KCTD15: variants seen among roughly 807,000 people sequenced by gnomAD.
The protein encoded by KCTD15 is BTB/POZ domain-containing protein KCTD15.
KCTD15 carries 11 observed loss-of-function variants against 27.2 expected under a neutral mutation model. The observed-to-expected ratio is 0.41, with a 90% CI of 0.25 to 0.67. KCTD15 has a LOEUF of 0.67. Among genes scored for constraint, KCTD15 ranks in the 30% least tolerant of loss-of-function variants. The pLI, the probability that KCTD15 is intolerant of heterozygous loss-of-function variation, is 0.35. For synonymous variants in KCTD15, 163 were observed against 176.0 expected (o/e 0.93, Z 0.58); for missense variants, 350 against 409.3 (o/e 0.86, Z 1.25).
chr19:33,812,663 A>G, intron 6 of KCTD15, 127 bp from the exon 7 acceptor site: 3 of 1,382,338 alleles, frequency 2.2e-6, no homozygotes, highest in Non-Finnish European at 2.8e-6. Context: ...TCAGTGAGCA[A>G]GACTGAGATC....
At chr19:33,810,870 T>C (rs1266751479) in intron 5 of KCTD15, among the ~76,000 whole-genome samples, 1 of 151,550 alleles carries the variant, frequency 6.6e-6, no homozygotes, top group East Asian at 1.9e-4. Flanking sequence ...CCCAGCATGA[T>C]CTCTTCTCTC....
upstream of KCTD15, among the ~76,000 whole-genome samples, chr19:33,795,664 G>A (rs571543862): frequency 6.6e-4 from 101 of 152,194 alleles, 2 homozygotes; most frequent in African/African-American, 2.4e-3. Flanking sequence ...AGGCACGGGC[G>A]GGGCGCAAAG....
At chr19:33,805,289 C>G (rs185905213) in intron 4 of KCTD15, among the ~76,000 whole-genome samples, 2 of 152,160 alleles carry the variant, frequency 1.3e-5, no homozygotes, top group African/African-American at 4.8e-5. Context: ...ACTCCATACC[C>G]GGGCAGACCA....
Position 33,812,068 on chromosome 19 carries a change from C to A in KCTD15, c.693+516C>A. On this transcript the variant is annotated intron_variant, in intron 6 of 6. Transcript: ENST00000683859. The stretch of plus-strand genomic sequence containing the variant: ...GGGCCTATTTTCCAACAGCTCTTCG[C>A]AGACCCAAGAGCTTGGCACATTTCC... The A allele has an allele frequency of 2.2e-6, 3 of 1,380,324 alleles. No homozygotes were observed. In the South Asian group the frequency reaches 5.3e-5, roughly 24 times the overall value. 85.5% of individuals were successfully genotyped at this position (1,380,324 alleles called of 1,614,324 possible).
At chr19:33,796,232 G>A (rs1975313121), upstream of KCTD15, 1 of 150,814 alleles carries the variant, frequency 6.6e-6, no homozygotes, top group Non-Finnish European at 1.5e-5. Context: ...CCCCCTCCCC[G>A]AGCCCGGAGG....
chr19:33,796,706 A>AGGCGGCGGCGGCGGAGGC (rs1975326455), upstream of KCTD15: 1 of 137,536 alleles, frequency 7.3e-6, no homozygotes, highest in Non-Finnish European at 1.6e-5. Flanking sequence ...CGCGAGGAGG[A>AGGCGGCGGCGGCGGAGGC]GGCGGCGGCG....
chr19:33,813,431 AT>A lies in KCTD15; in HGVS notation c.*484del. 2.2e-6 allele frequency: 1 copy of A among 457,132 alleles called. No homozygotes were observed. Among genetic ancestry groups the A allele is most frequent in the Non-Finnish European group, 4.4e-6 (1 of 227,344 alleles). The allele number at this position is 457,132 out of a possible 1,614,324, so 28.3% of individuals were successfully genotyped here. On this transcript the variant is annotated 3_prime_UTR_variant, in exon 7 of 7. Coordinates refer to ENST00000683859, the MANE Select transcript of KCTD15 (RefSeq NM_001129994.2). ...GGCTGACAAGGACCAATGCTTCTTTATCTGGTGCTCAGTTCTCAGTCAGACG... is the reference window on the plus strand; with the variant it reads ...GGCTGACAAGGACCAATGCTTCTTTACTGGTGCTCAGTTCTCAGTCAGACG...
At chr19:33,798,097 G>T (rs1022017135) in intron 1 of KCTD15, among the ~76,000 whole-genome samples, 2 of 148,830 alleles carry the variant, frequency 1.3e-5, no homozygotes, top group Non-Finnish European at 2.9e-5. Flanking sequence ...GGAGGGGGGG[G>T]GTGGGGAGGC....
intron 2 of KCTD15, among the ~76,000 whole-genome samples, chr19:33,799,169 C>T (rs1409505572): frequency 6.6e-6 from 1 of 152,170 alleles, no homozygotes; most frequent in African/African-American, 2.4e-5. Flanking sequence ...TCACTGTCTG[C>T]CCATTGCAAC....
At chr19:33,803,945 G>A (rs961017647) in intron 4 of KCTD15, among the ~76,000 whole-genome samples, 1 of 152,172 alleles carries the variant, frequency 6.6e-6, no homozygotes, top group Non-Finnish European at 1.5e-5. Context: ...TGCCCCTGAG[G>A]GTCCCACCTG....
At position 33,811,251 on chromosome 19, in the gene KCTD15, T is replaced by A; in HGVS notation, c.392T>A (p.Phe131Tyr). 1 of 1,494,066 alleles carries A rather than the reference T, an allele frequency of 6.7e-7. No individual in the cohort carries two copies. The highest frequency in any genetic ancestry group is 8.9e-7 in the Non-Finnish European group (1 of 1,118,912). 92.6% of individuals were successfully genotyped at this position (1,494,066 alleles called of 1,614,324 possible). Reference sequence around the variant, plus strand: ...ACCCTGTGCGCCTGTCCCCAGGACTTCAGTCTGCTGTACGAGGAGGCGCGC... The same window carrying A: ...ACCCTGTGCGCCTGTCCCCAGGACTACAGTCTGCTGTACGAGGAGGCGCGC... ...KLLLPDDFKD[F>Y]SLLYEEARYY... The change falls in exon 6 of 7, where the codon TTC (phenylalanine) becomes TAC (tyrosine). Residue 131 changes from phenylalanine (F) to tyrosine (Y), a missense_variant. By Grantham distance (22) the Phe-to-Tyr change is conservative (BLOSUM62 3). Around this residue, in one of 3 missense-constraint regions of KCTD15, gnomAD observed 219 missense variants for 234.9 expected, o/e 0.93. Coordinates refer to ENST00000683859, the MANE Select transcript of KCTD15 (RefSeq NM_001129994.2).
upstream of KCTD15, chr19:33,796,793 A>AG (rs1453663071): frequency 3.1e-5 from 2 of 63,766 alleles, no homozygotes; most frequent in African/African-American, 1.2e-4. Context: ...CCGCGCCGCG[A>AG]GGGGCCGCGT....
rs1395038976 is a variant in KCTD15 at position 33,812,792 on chromosome 19, C to G, written c.696C>G (p.Val232=). The G allele has an allele frequency of 6.8e-7, 1 of 1,466,930 alleles. No individual in the cohort carries two copies. Among genetic ancestry groups the G allele is most frequent in the Non-Finnish European group, 9.1e-7 (1 of 1,104,444 alleles). The allele number at this position is 1,466,930 out of a possible 1,614,324, so 90.9% of individuals were successfully genotyped here. A position where few individuals can be genotyped will look rare whatever the true frequency, so the allele number is the denominator to read the frequency against. Residue 232 remains valine (V), a splice_region_variant and synonymous_variant, in exon 7 of 7, where the codon GTC becomes GTG. Coordinates refer to ENST00000683859, the MANE Select transcript of KCTD15 (RefSeq NM_001129994.2). ...GACCTCTGTTTCTTCCTGGGCAGGT[C>G]CTGGAGCGGCTGTTCCAGAGGGGTT... ...NGYCRLNSVQ[V]LERLFQRGFS...
At chr19:33,809,147 T>C (rs1273289950) in intron 5 of KCTD15, among the ~76,000 whole-genome samples, 3 of 151,870 alleles carry the variant, frequency 2.0e-5, no homozygotes, top group African/African-American at 7.3e-5. Context: ...CGTGGTGGTG[T>C]GCACCTGTAG....
rs763826268 is a variant in KCTD15, at chr19:33,811,470, C to G, written c.611C>G (p.Ser204Cys). The change falls in exon 6 of 7, where the codon TCC becomes TGC. Residue 204 changes from serine to cysteine, a missense_variant. Physicochemically the swap from Ser to Cys is moderately radical, Grantham distance 112. Transcript: ENST00000683859. ...GAGACCGGAGACGTCATGTGCAACT[C>G]CGTCAACGCCGGCTGGAACCAGGAC... ...FPETGDVMCN[S>C]VNAGWNQDPT... 1 of 1,612,980 alleles carries G rather than the reference C, an allele frequency of 6.2e-7. No individual in the cohort carries two copies. Among genetic ancestry groups the G allele is most frequent in the East Asian group, 2.2e-5 (1 of 44,862 alleles).
At chr19:33,797,313 T>C (rs1367709433) in intron 1 of KCTD15, 2 of 398,902 alleles carry the variant, frequency 5.0e-6, no homozygotes, top group Admixed American at 6.1e-5. Context: ...CTTGTGGAGG[T>C]CCCCGCACTC....
chr19:33,812,521 C>A, intron 6 of KCTD15: 2 of 1,241,296 alleles, frequency 1.6e-6, no homozygotes, highest in Non-Finnish European at 2.0e-6. Flanking sequence ...GGAATCAAGG[C>A]CCTGAGGGCA....
chr19:33,811,941 C>T, intron 6 of KCTD15: 1 of 1,533,132 alleles, frequency 6.5e-7, no homozygotes. Context: ...CTTCCCTCTC[C>T]CTGCTGACCT....
chr19:33,802,412 G>A (rs1975587525), intron 4 of KCTD15, among the ~76,000 whole-genome samples: 1 of 152,234 alleles, frequency 6.6e-6, no homozygotes, highest in Admixed American at 6.5e-5. Flanking sequence ...AGGGAGGATG[G>A]TAGTGCGCAG....
Sources: gnomAD v4.1 joint callset for allele counts (sites outside exome capture counted in the v4.1 genomes callset) on GRCh38, gnomAD v4.1.1 for gene constraint, gnomAD v4.1.1 regional missense constraint, MANE v1.5 for transcripts, NCBI Gene and HGNC (gene_info 2026-07-23, HGNC 2026-07-21) for gene names.